The following CSGALNACT1 variants were observed in gnomAD, a reference collection of about 807,000 sequenced individuals.
The protein encoded by CSGALNACT1 is chondroitin sulfate N-acetylgalactosaminyltransferase 1.
In CSGALNACT1, 52 loss-of-function variants were observed where a neutral mutation model predicts 51.0. That is an observed-to-expected ratio of 1.02 (90% CI 0.82 to 1.29). The LOEUF is 1.29. Among genes scored for constraint, CSGALNACT1 ranks in the 50% most tolerant of loss-of-function variants. The probability of loss-of-function intolerance (pLI) is 0.00; values close to 1 mark genes in which losing one functional copy is unlikely to be tolerated. For synonymous variants in CSGALNACT1, 341 were observed against 254.4 expected (o/e 1.34, Z -3.24); for missense variants, 935 against 679.2 (o/e 1.38, Z -4.19).
At chr8:19,714,498 C>G (rs888277892) in intron 1 of CSGALNACT1, among the ~76,000 whole-genome samples, 4 of 152,058 alleles carry the variant, frequency 2.6e-5, no homozygotes, top group Non-Finnish European at 4.4e-5. Flanking sequence ...TTCCAATAAA[C>G]TATATGTTAG....
intron 7 of CSGALNACT1, among the ~76,000 whole-genome samples, chr8:19,418,980 G>A (rs913396777): frequency 6.6e-6 from 1 of 152,056 alleles, no homozygotes; most frequent in African/African-American, 2.4e-5. Flanking sequence ...TTGAGTAGCT[G>A]AGATTACAGG....
intron 4 of CSGALNACT1, among the ~76,000 whole-genome samples, chr8:19,475,457 G>T (rs559787951): frequency 6.6e-6 from 1 of 152,256 alleles, no homozygotes; most frequent in South Asian, 2.1e-4. Context: ...CTGTACAAAA[G>T]TATGTTCCAA....
intron 3 of CSGALNACT1, among the ~76,000 whole-genome samples, chr8:19,516,430 T>C (rs574359759): frequency 6.6e-6 from 1 of 152,198 alleles, no homozygotes; most frequent in South Asian, 2.1e-4. Flanking sequence ...ACCCAGCGTG[T>C]CCAATTTTTC....
In CSGALNACT1 at chr8:19,667,036, GAAGGAAGAAAGA is replaced by G. The variant is rs1564386853; in HGVS notation, c.-544+15425_-544+15436del. On this transcript the variant is annotated intron_variant, in intron 1 of 9. Coordinates refer to the CSGALNACT1 transcript ENST00000332246. ...GAAAGAAAGGAAGGAAGGAAGGAAG[GAAGGAAGAAAGA>G]AAGAAAGAAAGAAAGAAAGAAAGAA... Among the ~76,000 whole-genome samples the G allele has an allele frequency of 1.4e-3, 41 of 28,490 alleles. 2 individuals are homozygous for G. Among genetic ancestry groups the G allele is most frequent in the East Asian group, 4.4e-3 (4 of 904 alleles). 18.7% of individuals were successfully genotyped at this position (28,490 alleles called of 152,430 possible).
chr8:19,525,097 T>C (rs190547540), intron 3 of CSGALNACT1, among the ~76,000 whole-genome samples: 3 of 152,344 alleles, frequency 2.0e-5, no homozygotes. Flanking sequence ...AAAGCAAGCA[T>C]GCCCCTTCAG....
chr8:19,749,962 G>C (rs2064926108), intron 1 of CSGALNACT1, among the ~76,000 whole-genome samples: 1 of 152,172 alleles, frequency 6.6e-6, no homozygotes, highest in Non-Finnish European at 1.5e-5. Context: ...GCTCTCCTCT[G>C]AGCTTTTTAG....
chr8:19,627,878 G>A (rs2054651169), intron 1 of CSGALNACT1, among the ~76,000 whole-genome samples: 1 of 152,272 alleles, frequency 6.6e-6, no homozygotes, highest in Admixed American at 6.5e-5. Flanking sequence ...AATACAGTCA[G>A]TAGTTCAGTT....
chr8:19,411,320 T>C (rs2055674045), intron 8 of CSGALNACT1, among the ~76,000 whole-genome samples: 1 of 152,214 alleles, frequency 6.6e-6, no homozygotes, highest in African/African-American at 2.4e-5. Context: ...GCTTCTCTGT[T>C]TGCTGACTGT....
chr8:19,718,746 A>C (rs1488147364), intron 1 of CSGALNACT1, among the ~76,000 whole-genome samples: 1 of 152,084 alleles, frequency 6.6e-6, no homozygotes, highest in African/African-American at 2.4e-5. Flanking sequence ...CATGCCTCCC[A>C]CACACAAAGC....
chr8:19,628,728 G>A (rs1022260677), intron 1 of CSGALNACT1, among the ~76,000 whole-genome samples: 2 of 151,476 alleles, frequency 1.3e-5, no homozygotes, highest in South Asian at 2.1e-4. Flanking sequence ...CAATCTCTTC[G>A]CTTCAGTCTC....
chr8:19,459,270 C>T (rs1218776543), intron 4 of CSGALNACT1, among the ~76,000 whole-genome samples: 2 of 150,114 alleles, frequency 1.3e-5, no homozygotes, highest in African/African-American at 4.9e-5. Flanking sequence ...GTAACCCTGG[C>T]TACTTGGGAG....
chr8:19,513,446 A>C lies in CSGALNACT1; in HGVS notation c.-296-7316T>G, dbSNP rs867854135. Among the ~76,000 whole-genome samples the C allele has an allele frequency of 6.8e-3, 791 of 115,942 alleles. 8 individuals carry two copies. The highest frequency in any genetic ancestry group is 0.021 in the African/African-American group (525 of 25,074). 76.1% of individuals were successfully genotyped at this position (115,942 alleles called of 152,430 possible). A position where few individuals can be genotyped will look rare whatever the true frequency, so the allele number is the denominator to read the frequency against. The stretch of plus-strand genomic sequence containing the variant: ...TCTCTCTCTCTCTCTCTATATATAT[A>C]TATATATATATATATATTTTGTGCC... On this transcript the variant is annotated intron_variant, in intron 3 of 9. Coordinates refer to ENST00000454498, the Ensembl canonical transcript of CSGALNACT1.
chr8:19,480,560 T>TA (rs1436381700), intron 4 of CSGALNACT1, among the ~76,000 whole-genome samples: 1 of 152,146 alleles, frequency 6.6e-6, no homozygotes, highest in Non-Finnish European at 1.5e-5. Context: ...CTGTTGTGAG[T>TA]AGTGCTGCAA....
chr8:19,473,086 A>G (rs1419879068), intron 4 of CSGALNACT1, among the ~76,000 whole-genome samples: 1 of 152,214 alleles, frequency 6.6e-6, no homozygotes, highest in Non-Finnish European at 1.5e-5. Context: ...CTCTACCGGC[A>G]TTAAATATGC....
chr8:19,426,261 C>T (rs1327577514), intron 6 of CSGALNACT1, among the ~76,000 whole-genome samples: 2 of 152,184 alleles, frequency 1.3e-5, no homozygotes, highest in African/African-American at 2.4e-5. Context: ...CTCAGATGGG[C>T]ACCAGAGAAA....
chr8:19,483,630 C>T (rs920739809), intron 4 of CSGALNACT1, among the ~76,000 whole-genome samples: 1 of 152,146 alleles, frequency 6.6e-6, no homozygotes, highest in African/African-American at 2.4e-5. Context: ...ATCTGATGGC[C>T]TTCCTTCCTA....
chr8:19,556,575 G>A (rs1290751413), intron 3 of CSGALNACT1, among the ~76,000 whole-genome samples: 3 of 152,118 alleles, frequency 2.0e-5, no homozygotes, highest in African/African-American at 4.8e-5. Context: ...GACCAATAGT[G>A]TTGTGCTCTA....
intron 1 of CSGALNACT1, among the ~76,000 whole-genome samples, chr8:19,638,208 C>A (rs2056333409): frequency 6.7e-6 from 1 of 148,994 alleles, no homozygotes; most frequent in African/African-American, 2.5e-5. Flanking sequence ...ATCCACCTCA[C>A]CCTTCAGGTC....
chr8:19,515,977 C>T (rs1253940732), intron 3 of CSGALNACT1, among the ~76,000 whole-genome samples: 1 of 152,134 alleles, frequency 6.6e-6, no homozygotes, highest in Admixed American at 6.5e-5. Context: ...AGCTGTAAGA[C>T]ATCTCAAGCA....
Sources: allele counts gnomAD v4.1 joint callset (sites outside exome capture counted in the v4.1 genomes callset), GRCh38; gene constraint gnomAD v4.1.1; transcripts MANE v1.5; gene names NCBI Gene and HGNC (gene_info 2026-07-23, HGNC 2026-07-21).